The following TPTE2 variants were observed in gnomAD, a reference collection of about 807,000 sequenced individuals.
TPTE2 encodes transmembrane phosphoinositide 3-phosphatase and tensin homolog 2.
In TPTE2, 53 loss-of-function variants were observed where a neutral mutation model predicts 78.6. That is an observed-to-expected ratio of 0.67 (90% CI 0.54 to 0.85). The LOEUF is 0.85. Ranked by LOEUF, TPTE2 falls within the 40% of genes least tolerant of loss-of-function variation. TPTE2 has a pLI of 0.00. For missense variants in TPTE2, 461 were observed against 623.0 expected (o/e 0.74, Z 2.77); for synonymous variants, 175 against 206.2 (o/e 0.85, Z 1.30).
intron 10 of TPTE2, 52 bp from the exon 14 acceptor site, chr13:19,451,277 T>C: frequency 5.0e-6 from 8 of 1,609,876 alleles, no homozygotes; most frequent in Non-Finnish European, 6.8e-6. Context: ...CAACACAAGC[T>C]ATTTCCTAGG....
intron 6 of TPTE2, among the ~76,000 whole-genome samples, chr13:19,473,092 C>T (rs1430487567): frequency 2.0e-5 from 3 of 152,166 alleles, no homozygotes; most frequent in Non-Finnish European, 1.5e-5. Context: ...GCACCTAAAG[C>T]TTGGGGTTGA....
chr13:19,515,733 G>A (rs1280084999), intron 1 of TPTE2, among the ~76,000 whole-genome samples: 2 of 152,194 alleles, frequency 1.3e-5, no homozygotes, highest in East Asian at 3.8e-4. Context: ...CATAACAAGG[G>A]AAAATGTTCA....
the TPTE2 span, among the ~76,000 whole-genome samples, chr13:19,545,692 G>A: frequency 1.3e-5 from 2 of 152,174 alleles, no homozygotes; most frequent in African/African-American, 2.4e-5. Flanking sequence ...GAAGCCAGTG[G>A]TTAACTAGTC....
chr13:19,439,203 G>A (rs1251078053), intron 13 of TPTE2, among the ~76,000 whole-genome samples: 9 of 152,068 alleles, frequency 5.9e-5, no homozygotes, highest in South Asian at 2.1e-4. Flanking sequence ...GGGCAGCAGA[G>A]AGCTCCTCCC....
chr13:19,425,518 T>C lies in TPTE2; in HGVS notation c.1396-501A>G, dbSNP rs143538368. ...CTGATATCTGCCTTATACAACCTTC[T>C]CCTGATGACCACTTCACTATGGGAC... On this transcript the variant is annotated intron_variant, in intron 18 of 19. Transcript: ENST00000400230. Among the ~76,000 whole-genome samples the C allele has an allele frequency of 8.6e-3, 1,302 of 152,172 alleles. 11 individuals are homozygous for C. Among genetic ancestry groups the C allele is most frequent in the Non-Finnish European group, 0.011 (766 of 68,000 alleles).
intron 1 of TPTE2, among the ~76,000 whole-genome samples, chr13:19,494,210 C>T (rs1453398466): frequency 6.6e-6 from 1 of 152,160 alleles, no homozygotes; most frequent in Non-Finnish European, 1.5e-5. Context: ...CAGATGGAAG[C>T]CTCTCTCTAT....
the TPTE2 span, chr13:19,560,820 C>T: frequency 1.3e-6 from 2 of 1,516,808 alleles, no homozygotes; most frequent in African/African-American, 1.4e-5. Flanking sequence ...ACCCCGGACG[C>T]GGTCCAGGCG....
chr13:19,528,219 T>TA (rs35412694), intron 1 of TPTE2, among the ~76,000 whole-genome samples: 114,169 of 149,770 alleles, frequency 0.76, 45,257 homozygotes, highest in East Asian at 0.96. Context: ...CCTTCTCTAC[T>TA]AAAAAAAAAT....
rs1555252414 is a variant in TPTE2 at position 19,475,682 on chromosome 13, C to G, written c.180-59G>C. ...TTTCTTCTTATATTGTAAATTTAAC[C>G]AAAAAACAAAGGCCTTTATAAATAT... is the stretch of plus-strand genomic sequence containing the variant. On this transcript the variant is annotated intron_variant, in intron 4 of 19. Coordinates refer to ENST00000400230, the Ensembl canonical transcript of TPTE2. 2.6e-5 allele frequency: 40 copies of G among 1,538,718 alleles called. No homozygotes were observed. The South Asian group carries it at 4.5e-4, about 17-fold the overall frequency.
intron 1 of TPTE2, among the ~76,000 whole-genome samples, chr13:19,516,590 C>T (rs1264254885): frequency 6.6e-6 from 1 of 152,102 alleles, no homozygotes; most frequent in African/African-American, 2.4e-5. Context: ...AATAAAAACC[C>T]ATTTGTGATC....
upstream of TPTE2, among the ~76,000 whole-genome samples, chr13:19,538,621 C>A (rs1239850716): frequency 1.3e-5 from 2 of 151,858 alleles, no homozygotes; most frequent in Non-Finnish European, 2.9e-5. Flanking sequence ...CTCCACCTCC[C>A]AGGTTCAAGT....
chr13:19,460,516 C>T (rs1398258658), intron 10 of TPTE2, among the ~76,000 whole-genome samples: 1 of 152,186 alleles, frequency 6.6e-6, no homozygotes, highest in African/African-American at 2.4e-5. Flanking sequence ...TTGCATCACT[C>T]TAAACATTTC....
At chr13:19,459,682 G>A (rs1403928251) in intron 10 of TPTE2, among the ~76,000 whole-genome samples, 1 of 152,216 alleles carries the variant, frequency 6.6e-6, no homozygotes, top group East Asian at 1.9e-4. Context: ...TAGAACCGTT[G>A]CTGCAGTGGT....
rs373158514 is a variant in TPTE2 at position 19,471,561 on chromosome 13, T to C, written c.392+2353A>G. Among the ~76,000 whole-genome samples the C allele has an allele frequency of 4.2e-3, 633 of 152,346 alleles. 5 individuals carry two copies. The highest frequency in any genetic ancestry group is 0.026 in the South Asian group (124 of 4,822). On this transcript the variant is annotated intron_variant, in intron 6 of 19. Transcript: ENST00000400230. Reference sequence around the variant, plus strand: ...GTAAAAAGGAAACTAATAAAAACCCTACAACTTAAATTTGTCTCGCTATTA... The same window carrying C: ...GTAAAAAGGAAACTAATAAAAACCCCACAACTTAAATTTGTCTCGCTATTA...
At position 19,422,945 on chromosome 13, in the gene TPTE2, T is replaced by C. The variant is rs540107064; in HGVS notation, c.*117A>G. The stretch of plus-strand genomic sequence containing the variant: ...AACATATATAAATATAGATGCATCA[T>C]CAAGGAAGACTTAGGACACATGAAC... On this transcript the variant is annotated 3_prime_UTR_variant, in exon 20 of 20. Coordinates refer to ENST00000400230, the Ensembl canonical transcript of TPTE2. The C allele has an allele frequency of 3.8e-5, 47 of 1,239,472 alleles. No homozygotes were observed. In the South Asian group the frequency reaches 6.0e-4, roughly 16 times the overall value. 76.8% of individuals were successfully genotyped at this position (1,239,472 alleles called of 1,614,324 possible). A position where few individuals can be genotyped will look rare whatever the true frequency, so the allele number is the denominator to read the frequency against.
intron 1 of TPTE2, among the ~76,000 whole-genome samples, chr13:19,508,783 A>G (rs1257673697): frequency 2.6e-5 from 4 of 152,206 alleles, no homozygotes; most frequent in African/African-American, 9.6e-5. Context: ...ATTTCCCAGA[A>G]TTCAAGAAAG....
Position 19,497,018 on chromosome 13 carries a change from G to C in TPTE2, c.12-3517C>G, listed in dbSNP as rs61955170. ...CAAGGGGTCAGGGAGTTCCCTTTCC[G>C]AGTCAAAGAAAGGGGTGACAGACGG... On this transcript the variant is annotated intron_variant, in intron 1 of 19. Transcript: ENST00000400230. Among the ~76,000 whole-genome samples the C allele has an allele frequency of 3.4e-5, 5 of 145,534 alleles. 1 individual carries two copies. The South Asian group carries it at 6.8e-4, about 20-fold the overall frequency.
chr13:19,517,936 TC>T (rs1869906549), intron 1 of TPTE2, among the ~76,000 whole-genome samples: 1 of 152,250 alleles, frequency 6.6e-6, no homozygotes, highest in Non-Finnish European at 1.5e-5. Context: ...AGTTATTTTT[TC>T]TTTTATATGA....
chr13:19,504,916 T>C (rs1000125070), upstream of TPTE2, among the ~76,000 whole-genome samples: 6 of 152,090 alleles, frequency 3.9e-5, no homozygotes, highest in African/African-American at 1.4e-4. Flanking sequence ...TGCACATACA[T>C]TTCTTTACAT....
Sources: gnomAD v4.1 joint callset for allele counts (sites outside exome capture counted in the v4.1 genomes callset) on GRCh38, gnomAD v4.1.1 for gene constraint, MANE v1.5 for transcripts, NCBI Gene and HGNC (gene_info 2026-07-23, HGNC 2026-07-21) for gene names.